The following ADAMTSL3 variants were observed in gnomAD, a reference collection of about 807,000 sequenced individuals.
The protein encoded by ADAMTSL3 is ADAMTS-like protein 3.
Under a neutral mutation model 201.7 loss-of-function variants are expected in ADAMTSL3, and 128 were observed. That is an observed-to-expected ratio of 0.63 (90% CI 0.55 to 0.73). The LOEUF is 0.73. Ranked by LOEUF, ADAMTSL3 falls within the 30% of genes least tolerant of loss-of-function variation. ADAMTSL3 has a pLI of 0.00. For synonymous variants in ADAMTSL3, 738 were observed against 748.4 expected (o/e 0.99, Z 0.23); for missense variants, 1,990 against 2,119.6 (o/e 0.94, Z 1.20).
chr15:83,664,710 T>C (rs1334177919), intron 2 of ADAMTSL3, among the ~76,000 whole-genome samples: 7 of 152,250 alleles, frequency 4.6e-5, no homozygotes, highest in Admixed American at 4.6e-4. Context: ...TTGGGCACAG[T>C]GGCTCATGCC....
intron 27 of ADAMTSL3, among the ~76,000 whole-genome samples, chr15:84,030,539 A>G (rs1227819993): frequency 1.3e-5 from 2 of 152,136 alleles, no homozygotes; most frequent in Non-Finnish European, 2.9e-5. Flanking sequence ...CCTCCACTGT[A>G]TCTAGGAAGT....
chr15:83,871,958 G>A (rs994648933), intron 9 of ADAMTSL3, among the ~76,000 whole-genome samples: 15 of 152,122 alleles, frequency 9.9e-5, no homozygotes, highest in African/African-American at 3.4e-4. Flanking sequence ...ATTTGTCACG[G>A]AATGTTTCAC....
At chr15:83,719,153 G>A (rs190696857) in intron 3 of ADAMTSL3, among the ~76,000 whole-genome samples, 3 of 152,200 alleles carry the variant, frequency 2.0e-5, no homozygotes, top group East Asian at 1.9e-4. Context: ...GGTGCTTCTC[G>A]ACCTCCCGAA....
At chr15:83,693,271 G>A (rs1427449471) in intron 2 of ADAMTSL3, among the ~76,000 whole-genome samples, 1 of 152,126 alleles carries the variant, frequency 6.6e-6, no homozygotes, top group Admixed American at 6.5e-5. Flanking sequence ...AGCATTGTTG[G>A]GCTATGTCTC....
intron 6 of ADAMTSL3, among the ~76,000 whole-genome samples, chr15:83,837,407 G>A (rs2064296543): frequency 6.6e-6 from 1 of 152,046 alleles, no homozygotes; most frequent in Non-Finnish European, 1.5e-5. Flanking sequence ...GGTTGTTTTG[G>A]GGAGGAAATG....
At chr15:84,002,908 C>A (rs908209860) in intron 23 of ADAMTSL3, among the ~76,000 whole-genome samples, 1 of 148,178 alleles carries the variant, frequency 6.7e-6, no homozygotes, top group African/African-American at 2.5e-5. Context: ...TCCATAATCT[C>A]TCTTTTTTCT....
intron 4 of ADAMTSL3, among the ~76,000 whole-genome samples, chr15:83,794,660 G>C (rs1180329592): frequency 1.3e-5 from 2 of 149,838 alleles, no homozygotes; most frequent in Non-Finnish European, 3.0e-5. Context: ...AGAGGATAGG[G>C]TGGGGGGGAG....
intron 8 of ADAMTSL3, among the ~76,000 whole-genome samples, chr15:83,864,940 A>G (rs1033127997): frequency 6.6e-6 from 1 of 152,216 alleles, no homozygotes; most frequent in East Asian, 1.9e-4. Context: ...ATCATGTGCA[A>G]AAATCACAAG....
intron 17 of ADAMTSL3, among the ~76,000 whole-genome samples, chr15:83,940,325 G>A (rs1469964182): frequency 6.6e-6 from 1 of 152,178 alleles, no homozygotes; most frequent in African/African-American, 2.4e-5. Flanking sequence ...ACAAAATACC[G>A]TAAGGGTGGC....
chr15:83,840,415 AAGT>A (rs953960233), intron 7 of ADAMTSL3, among the ~76,000 whole-genome samples: 2 of 152,228 alleles, frequency 1.3e-5, no homozygotes, highest in Non-Finnish European at 2.9e-5. Context: ...ATGGATTGAT[AAGT>A]GAAGAGAATG....
At chr15:83,799,401 A>G (rs998976067) in intron 4 of ADAMTSL3, among the ~76,000 whole-genome samples, 1 of 152,148 alleles carries the variant, frequency 6.6e-6, no homozygotes, top group Non-Finnish European at 1.5e-5. Context: ...TGCACTGCAA[A>G]CCATATGCCA....
At chr15:83,953,459 C>A (rs2142069388) in intron 19 of ADAMTSL3, among the ~76,000 whole-genome samples, 1 of 152,196 alleles carries the variant, frequency 6.6e-6, no homozygotes, top group African/African-American at 2.4e-5. Flanking sequence ...CACTTATTAA[C>A]TTTTTGTTTC....
chr15:83,890,013 T>C, intron 10 of ADAMTSL3, 96 bp from the exon 11 acceptor site: 4 of 1,402,906 alleles, frequency 2.9e-6, no homozygotes, highest in Non-Finnish European at 3.9e-6. Context: ...TTAAGTTTCT[T>C]AAAGAGGAAA....
intron 2 of ADAMTSL3, among the ~76,000 whole-genome samples, chr15:83,684,809 A>G (rs1055357684): frequency 2.6e-5 from 4 of 152,148 alleles, no homozygotes; most frequent in African/African-American, 7.2e-5. Context: ...TTTTTTACAA[A>G]CAATTCTATA....
intron 21 of ADAMTSL3, among the ~76,000 whole-genome samples, chr15:83,985,359 T>C (rs751310622): frequency 6.6e-6 from 1 of 152,176 alleles, no homozygotes; most frequent in Non-Finnish European, 1.5e-5. Flanking sequence ...AGTTGTGTCA[T>C]TGAATTGGCC....
intron 23 of ADAMTSL3, among the ~76,000 whole-genome samples, chr15:84,009,535 C>T (rs1477671209): frequency 6.6e-6 from 1 of 152,088 alleles, no homozygotes; most frequent in African/African-American, 2.4e-5. Context: ...CAATAGTTAC[C>T]ATATTTTTGA....
At chr15:83,862,934 G>A (rs2064897182) in intron 8 of ADAMTSL3, 1 of 151,980 alleles carries the variant, frequency 6.6e-6, no homozygotes, top group Non-Finnish European at 1.5e-5. Context: ...GACCTACCAA[G>A]CAAATGGAGA....
chr15:83,795,069 G>A (rs2063402368), intron 4 of ADAMTSL3, among the ~76,000 whole-genome samples: 1 of 151,968 alleles, frequency 6.6e-6, no homozygotes, highest in Non-Finnish European at 1.5e-5. Flanking sequence ...GGCCAGGCTG[G>A]TCTCGAACTC....
chr15:83,737,148 G>A (rs1423511637), intron 3 of ADAMTSL3, among the ~76,000 whole-genome samples: 2 of 152,188 alleles, frequency 1.3e-5, no homozygotes, highest in South Asian at 2.1e-4. Flanking sequence ...AAGCAGCATG[G>A]AAATAGGTAT....
Sources: gnomAD v4.1 joint callset for allele counts (sites outside exome capture counted in the v4.1 genomes callset) on GRCh38, gnomAD v4.1.1 for gene constraint, MANE v1.5 for transcripts, NCBI Gene and HGNC (gene_info 2026-07-23, HGNC 2026-07-21) for gene names.